ZPBP: variants seen among roughly 807,000 people sequenced by gnomAD.
ZPBP encodes the protein zona pellucida-binding protein 1.
In ZPBP, 26 loss-of-function variants were observed where a neutral mutation model predicts 44.8. The ratio of observed to expected loss-of-function variants is 0.58; its 90% CI spans 0.43 to 0.81. ZPBP has a LOEUF of 0.81. Among genes scored for constraint, ZPBP ranks in the 30% least tolerant of loss-of-function variants. ZPBP has a pLI of 0.00. For synonymous variants in ZPBP, 174 were observed against 153.2 expected, an observed-to-expected ratio of 1.14 and a Z score of -1.00; for missense variants, 409 against 434.0, an observed-to-expected ratio of 0.94 and a Z score of 0.51.
At chr7:49,931,839 C>A (rs915303620) in intron 1 of ZPBP, among the ~76,000 whole-genome samples, 3 of 152,210 alleles carry the variant, frequency 2.0e-5, no homozygotes, top group South Asian at 4.2e-4. Flanking sequence ...GTGGGCAAGG[C>A]CTAGGGCCCC....
chr7:49,882,482 G>A (rs1030959775), intron 2 of ZPBP, among the ~76,000 whole-genome samples: 5 of 152,158 alleles, frequency 3.3e-5, no homozygotes, highest in African/African-American at 9.7e-5. Context: ...GAGGAAGGAA[G>A]AGAGACTGAG....
chr7:50,081,672 T>C lies in ZPBP; in HGVS notation c.334+102A>G, dbSNP rs796682804. ...AAAAGGAAATCACAAGAAAAAGAATTGAGGAAATAACATAAATATGTATGA... is the reference window on the plus strand; with the variant it reads ...AAAAGGAAATCACAAGAAAAAGAATCGAGGAAATAACATAAATATGTATGA... On this transcript the variant is annotated intron_variant, in intron 3 of 7. Transcript: ENST00000046087. The C allele has an allele frequency of 7.2e-6, 10 of 1,396,224 alleles. No individual in the cohort carries two copies. In the African/African-American group the frequency reaches 1.4e-4, roughly 20 times the overall value. 86.5% of individuals were successfully genotyped at this position (1,396,224 alleles called of 1,614,324 possible). A position where few individuals can be genotyped will look rare whatever the true frequency, so the allele number is the denominator to read the frequency against.
chr7:50,054,255 C>G (rs889202324), intron 4 of ZPBP, among the ~76,000 whole-genome samples: 1 of 139,936 alleles, frequency 7.1e-6, no homozygotes, highest in African/African-American at 2.5e-5. Flanking sequence ...ATTGATAGCT[C>G]TCATTACAAA....
At chr7:49,923,280 T>C (rs1305753048) in intron 1 of ZPBP, among the ~76,000 whole-genome samples, 1 of 151,788 alleles carries the variant, frequency 6.6e-6, no homozygotes, top group Non-Finnish European at 1.5e-5. Flanking sequence ...GAAGAAAAAA[T>C]GAGAATCATA....
At position 49,983,416 on chromosome 7, in the gene ZPBP, A is replaced by C; in HGVS notation, c.887T>G (p.Met296Arg). ...TGGAAAGCAGCGATTAATCCAAACCATTTGGAGAGTACCTTCAATATAGTA... is the reference window on the plus strand; with the variant it reads ...TGGAAAGCAGCGATTAATCCAAACCCTTTGGAGAGTACCTTCAATATAGTA... The part of the protein sequence containing the change: ...QIYYIEGTLQ[M>R]VWINRCFPGY... The change falls in exon 7 of 8, where the codon ATG (methionine) becomes AGG (arginine). Residue 296 changes from methionine (M) to arginine (R), a missense_variant. By Grantham distance (91) the Met-to-Arg change is moderately conservative. Transcript: ENST00000046087. The C allele has an allele frequency of 6.2e-7, 1 of 1,613,230 alleles. No individual in the cohort carries two copies. The highest frequency in any genetic ancestry group is 8.5e-7 in the Non-Finnish European group (1 of 1,179,412).
At chr7:50,011,823 G>A (rs1166000334) in intron 6 of ZPBP, among the ~76,000 whole-genome samples, 8 of 152,026 alleles carry the variant, frequency 5.3e-5, no homozygotes, top group African/African-American at 1.7e-4. Context: ...AAGCCAAGGC[G>A]GGCGGATCAC....
chr7:49,948,865 G>A (rs1197470797), intron 7 of ZPBP, among the ~76,000 whole-genome samples: 1 of 151,978 alleles, frequency 6.6e-6, no homozygotes, highest in African/African-American at 2.4e-5. Context: ...CCCATTTCTG[G>A]GTATATGCTC....
At chr7:49,846,280 T>A (rs1285911704), downstream of ZPBP, among the ~76,000 whole-genome samples, 1 of 152,076 alleles carries the variant, frequency 6.6e-6, no homozygotes, top group Non-Finnish European at 1.5e-5. Flanking sequence ...GTGGTAAATA[T>A]GGAAAGAAAT....
intron 7 of ZPBP, chr7:49,943,177 TA>T: frequency 3.1e-6 from 1 of 317,998 alleles, no homozygotes; most frequent in Admixed American, 3.9e-5. Flanking sequence ...AGCTTCTCAA[TA>T]AAGTCCTCAG....
intron 6 of ZPBP, among the ~76,000 whole-genome samples, chr7:49,984,755 C>T (rs1225397243): frequency 2.0e-5 from 3 of 151,858 alleles, no homozygotes; most frequent in Non-Finnish European, 4.4e-5. Context: ...GATTGGGGAC[C>T]CCTAGTATAA....
intron 2 of ZPBP, among the ~76,000 whole-genome samples, chr7:49,887,910 C>G (rs1179908205): frequency 6.6e-6 from 1 of 152,230 alleles, no homozygotes; most frequent in Non-Finnish European, 1.5e-5. Flanking sequence ...TGTATTTATT[C>G]ACAGTTCTCC....
chr7:49,962,154 C>G (rs1281855072), intron 7 of ZPBP, among the ~76,000 whole-genome samples: 1 of 151,888 alleles, frequency 6.6e-6, no homozygotes. Context: ...ATTTCTGAAA[C>G]AGCAGTGCCC....
At chr7:49,945,053 CATTT>C (rs1209063322) in intron 7 of ZPBP, among the ~76,000 whole-genome samples, 6 of 152,088 alleles carry the variant, frequency 3.9e-5, no homozygotes, top group Non-Finnish European at 8.8e-5. Context: ...TTTCCATTTT[CATTT>C]GTTTCAAGAC....
At chr7:49,878,706 A>G (rs902145884) in intron 2 of ZPBP, among the ~76,000 whole-genome samples, 1 of 152,070 alleles carries the variant, frequency 6.6e-6, no homozygotes, top group Non-Finnish European at 1.5e-5. Flanking sequence ...TCTCTGCCAT[A>G]ATCTTTTAAA....
At chr7:50,058,245 A>C in intron 3 of ZPBP, 104 bp from the exon 4 acceptor site, 1 of 1,237,398 alleles carries the variant, frequency 8.1e-7, no homozygotes, top group Non-Finnish European at 1.2e-6. Flanking sequence ...AACACAGTCA[A>C]TGAAAGGAGT....
chr7:50,048,871 T>A (rs1800531453), intron 4 of ZPBP, among the ~76,000 whole-genome samples: 1 of 151,688 alleles, frequency 6.6e-6, no homozygotes, highest in African/African-American at 2.4e-5. Context: ...AAATAAAAAA[T>A]AGTGAAAATC....
At chr7:49,901,482 T>A (rs941377305) in intron 1 of ZPBP, among the ~76,000 whole-genome samples, 1 of 151,724 alleles carries the variant, frequency 6.6e-6, no homozygotes, top group Non-Finnish European at 1.5e-5. Context: ...AAGAAATACT[T>A]AGGTATAAAA....
intron 6 of ZPBP, among the ~76,000 whole-genome samples, chr7:50,000,740 A>T (rs1294029798): frequency 5.9e-5 from 9 of 152,186 alleles, no homozygotes. Flanking sequence ...AAAGAAAAAT[A>T]AAAAACCTAT....
intron 3 of ZPBP, among the ~76,000 whole-genome samples, chr7:50,080,970 AGAG>A (rs1242364909): frequency 6.6e-6 from 1 of 151,842 alleles, no homozygotes; most frequent in Admixed American, 6.6e-5. Flanking sequence ...ACTGACCCAA[AGAG>A]GAGATTAATT....
Sources: allele counts gnomAD v4.1 joint callset (sites outside exome capture counted in the v4.1 genomes callset), GRCh38; gene constraint gnomAD v4.1.1; transcripts MANE v1.5; gene names NCBI Gene and HGNC (gene_info 2026-07-23, HGNC 2026-07-21).